Variants in EEPD1 observed in about 807,000 individuals in gnomAD.
EEPD1 encodes the protein endonuclease/exonuclease/phosphatase family domain containing 1.
A neutral mutation model predicts 46.3 loss-of-function variants in EEPD1; 17 were observed. That is an observed-to-expected ratio of 0.37 (90% CI 0.25 to 0.55). The LOEUF (loss-of-function observed/expected upper bound fraction) is 0.55. Ranked by LOEUF, EEPD1 falls within the 20% of genes least tolerant of loss-of-function variation. EEPD1 has a pLI of 0.83. For synonymous variants in EEPD1, 313 were observed against 315.6 expected (o/e 0.99, Z 0.09); for missense variants, 673 against 745.6 (o/e 0.90, Z 1.13).
intron 2 of EEPD1, among the ~76,000 whole-genome samples, chr7:36,178,003 C>T (rs538727811): frequency 7.9e-5 from 12 of 152,252 alleles, no homozygotes; most frequent in African/African-American, 2.2e-4. Context: ...CATGAGCCAC[C>T]GCGCCTGGCA....
At chr7:36,179,268 T>A (rs552243703) in intron 2 of EEPD1, among the ~76,000 whole-genome samples, 8 of 152,288 alleles carry the variant, frequency 5.3e-5, no homozygotes, top group Admixed American at 3.3e-4. Flanking sequence ...TTTGTGTGTA[T>A]GTTATCCCAT....
At chr7:36,281,718 C>T (rs1787263733) in intron 4 of EEPD1, among the ~76,000 whole-genome samples, 3 of 152,166 alleles carry the variant, frequency 2.0e-5, no homozygotes, top group Admixed American at 1.3e-4. Flanking sequence ...CCCATATGAG[C>T]AGGTAAGGGT....
rs1188139246 is a variant in EEPD1 at position 36,284,681 on chromosome 7, T to A, written c.1042-5T>A. On this transcript the variant is annotated splice_region_variant and splice_polypyrimidine_tract_variant and intron_variant, in intron 4 of 7. Transcript: ENST00000242108. ...ACCAAGACTCTGTCTCCCTCTCCGC[T>A]GCAGGGAGCTGGGTATGCAGGATTC... 1.9e-6 allele frequency: 3 copies of A among 1,610,878 alleles called. No individual in the cohort carries two copies. Among genetic ancestry groups the A allele is most frequent in the East Asian group, 4.5e-5 (2 of 44,406 alleles).
At chr7:36,242,288 T>C (rs4723502) in intron 3 of EEPD1, among the ~76,000 whole-genome samples, 109,569 of 151,886 alleles carry the variant, frequency 0.72, 39,617 homozygotes, top group Admixed American at 0.75. Context: ...CCTATTCCTC[T>C]TCCCCCACCC....
rs546724530 is a variant in EEPD1, at chr7:36,287,804, C to T, written c.1315+27C>T. ...TAGGACATTGTCTTTTGCTGTGACT[C>T]GGCCACTGTTTTGCAGAGCAGCAGG... On this transcript the variant is annotated intron_variant, in intron 6 of 7. Transcript: ENST00000242108. 79 of 1,609,506 alleles carry T rather than the reference C, an allele frequency of 4.9e-5. No homozygotes were observed. In the East Asian group the frequency reaches 1.5e-3, roughly 31 times the overall value.
chr7:36,159,941 T>C (rs189500729), intron 2 of EEPD1, among the ~76,000 whole-genome samples: 1 of 152,316 alleles, frequency 6.6e-6, no homozygotes, highest in East Asian at 1.9e-4. Context: ...GTAAGAGTGT[T>C]GTGGATTTGT....
intron 2 of EEPD1, among the ~76,000 whole-genome samples, chr7:36,200,265 G>A (rs1785691556): frequency 6.6e-6 from 1 of 152,142 alleles, no homozygotes; most frequent in Admixed American, 6.5e-5. Context: ...GTTTACTAAG[G>A]ATGATGGCCG....
chr7:36,247,612 G>A (rs113807317), intron 3 of EEPD1, among the ~76,000 whole-genome samples: 207 of 152,294 alleles, frequency 1.4e-3, no homozygotes, highest in African/African-American at 4.9e-3. Context: ...TTGCAGACAG[G>A]ACATTGAGGC....
At chr7:36,217,984 T>C (rs927614792) in intron 2 of EEPD1, among the ~76,000 whole-genome samples, 17 of 152,224 alleles carry the variant, frequency 1.1e-4, no homozygotes, top group Non-Finnish European at 1.2e-4. Context: ...TCTTTTTCTC[T>C]TGTGTGTTCA....
intron 2 of EEPD1, among the ~76,000 whole-genome samples, chr7:36,196,663 C>T (rs1339178589): frequency 6.6e-6 from 1 of 152,266 alleles, no homozygotes; most frequent in Non-Finnish European, 1.5e-5. Context: ...ATCTGCCAGC[C>T]TCGGCCTCCC....
At chr7:36,164,768 C>T (rs1454694589) in intron 2 of EEPD1, among the ~76,000 whole-genome samples, 1 of 152,118 alleles carries the variant, frequency 6.6e-6, no homozygotes, top group Non-Finnish European at 1.5e-5. Context: ...CTGGAAAATT[C>T]CTGTTGCCTG....
intron 2 of EEPD1, among the ~76,000 whole-genome samples, chr7:36,184,968 C>T (rs1028616052): frequency 6.6e-6 from 1 of 152,116 alleles, no homozygotes; most frequent in South Asian, 2.1e-4. Context: ...TGACCTCAAG[C>T]GATCTGCCTG....
intron 2 of EEPD1, among the ~76,000 whole-genome samples, chr7:36,183,816 A>G (rs941944300): frequency 6.8e-6 from 1 of 148,132 alleles, no homozygotes; most frequent in South Asian, 2.1e-4. Flanking sequence ...TGTATTCTTG[A>G]CAGTGTTTCT....
intron 2 of EEPD1, among the ~76,000 whole-genome samples, chr7:36,169,759 C>G (rs1407734871): frequency 6.6e-6 from 1 of 152,158 alleles, no homozygotes; most frequent in African/African-American, 2.4e-5. Context: ...TGGGAAGGAG[C>G]CTGGAGAACT....
intron 2 of EEPD1, among the ~76,000 whole-genome samples, chr7:36,199,333 A>G (rs144895017): frequency 1.3e-5 from 2 of 152,140 alleles, no homozygotes; most frequent in Admixed American, 6.5e-5. Context: ...GAGAGATTTT[A>G]AATTTTCATT....
chr7:36,254,504 C>T (rs1017442064), intron 3 of EEPD1, among the ~76,000 whole-genome samples: 3 of 152,120 alleles, frequency 2.0e-5, no homozygotes, highest in Non-Finnish European at 2.9e-5. Flanking sequence ...ATATGTGCCA[C>T]GTTTTCTTTG....
At chr7:36,196,448 C>T (rs1200221924) in intron 2 of EEPD1, among the ~76,000 whole-genome samples, 1 of 152,212 alleles carries the variant, frequency 6.6e-6, no homozygotes, top group Admixed American at 6.5e-5. Flanking sequence ...TCCATGGTCT[C>T]CCTCTCATGC....
chr7:36,243,080 G>A (rs1056187371), intron 3 of EEPD1, among the ~76,000 whole-genome samples: 9 of 152,164 alleles, frequency 5.9e-5, no homozygotes, highest in Non-Finnish European at 1.2e-4. Flanking sequence ...TCGAAGTGTG[G>A]CCCACAGACC....
chr7:36,204,503 C>G (rs1343503519), intron 2 of EEPD1, among the ~76,000 whole-genome samples: 2 of 152,202 alleles, frequency 1.3e-5, no homozygotes, highest in Non-Finnish European at 2.9e-5. Context: ...TTACAGGAAA[C>G]TCATTAGGCT....
Sources: gnomAD v4.1 joint callset for allele counts (sites outside exome capture counted in the v4.1 genomes callset) on GRCh38, gnomAD v4.1.1 for gene constraint, MANE v1.5 for transcripts, NCBI Gene and HGNC (gene_info 2026-07-23, HGNC 2026-07-21) for gene names.